Variants in PTBP1 observed in about 807,000 individuals in gnomAD.
PTBP1 encodes polypyrimidine tract binding protein 1.
A neutral mutation model predicts 59.8 loss-of-function variants in PTBP1; 8 were observed. The observed-to-expected ratio is 0.13, with a 90% CI of 0.08 to 0.24. The LOEUF (loss-of-function observed/expected upper bound fraction) is 0.24, where lower values mean the gene tolerates loss of function less well. Among genes scored for constraint, PTBP1 ranks in the 10% least tolerant of loss-of-function variants. PTBP1 has a pLI of 1.00. For missense variants in PTBP1, 686 were observed against 767.0 expected, an observed-to-expected ratio of 0.89 and a Z score of 1.25; for synonymous variants, 490 against 320.7, an observed-to-expected ratio of 1.53 and a Z score of -5.64.
At position 804,540 on chromosome 19, in the gene PTBP1, G is replaced by A. The variant is rs1426377871; in HGVS notation, c.444G>A (p.Gln148=). 12 of 1,603,458 alleles carry A rather than the reference G, an allele frequency of 7.5e-6. No homozygotes were observed. The South Asian group carries it at 1.3e-4, about 18-fold the overall frequency. The change falls in exon 6 of 15, where the codon CAG becomes CAA. Residue 148 remains glutamine, a synonymous_variant. Transcript: ENST00000356948. ...GGCTGTGCCTCCCACAGCGGGCCCA[G>A]GCGGCCCTGCAGGCGGTGAACTCGG... The part of the protein sequence containing the change: ...TDSSPNQARA[Q]AALQAVNSVQ...
rs774884129 is a variant in PTBP1 at position 806,433 on chromosome 19, C to A, written c.996C>A (p.Gly332=). ...AAGLSVPNVH[G]ALAPLAIPSA... is the part of the protein sequence containing the mutation. ...GCCTTTCCGTTCCGAACGTCCACGG[C>A]GCCCTGGCCCCCCTGGCCATCCCCT... Residue 332 remains glycine (G), a synonymous_variant, in exon 10 of 15, where the codon GGC becomes GGA. Transcript: ENST00000356948. The A allele has an allele frequency of 7.5e-6, 12 of 1,602,106 alleles. No homozygotes were observed. The highest frequency in any genetic ancestry group is 1.0e-5 in the Non-Finnish European group (12 of 1,174,752).
rs2034657315 is a variant in PTBP1, at chr19:807,992, C to T, written c.1153+90C>T. The T allele has an allele frequency of 5.1e-6, 6 of 1,182,704 alleles. No individual in the cohort carries two copies. The South Asian group carries it at 7.4e-5, about 15-fold the overall frequency. The allele number at this position is 1,182,704 out of a possible 1,614,324, so 73.3% of individuals were successfully genotyped here. A position where few individuals can be genotyped will look rare whatever the true frequency, so the allele number is the denominator to read the frequency against. ...GACGTATTATGAGTTTGCGGTTTGG[C>T]ACTCTGATGCTCCGTGGCATCCGCC... On this transcript the variant is annotated intron_variant, in intron 11 of 14. Coordinates refer to ENST00000356948, the MANE Select transcript of PTBP1 (RefSeq NM_002819.5).
chr19:806,656 T>A, intron 10 of PTBP1, 100 bp downstream of exon 10: 2 of 1,201,642 alleles, frequency 1.7e-6, no homozygotes, highest in Non-Finnish European at 1.1e-6. Context: ...CCCCTCGCTG[T>A]GTCTGCGCCT....
rs762310485 is a variant in PTBP1, at chr19:808,429, C to T, written c.1223C>T (p.Ala408Val). Residue 408 changes from alanine to valine, a missense_variant, in exon 12 of 15, where the codon GCG becomes GTG. Transcript: ENST00000356948. This position sits in a 1 kb window ranked among gnomAD's most constrained non-coding sequence, Gnocchi z 4.7. ...AAGGAGAACGCCCTAGTGCAGATGG[C>T]GGACGGCAACCAGGCCCAGCTGGGT... is the stretch of plus-strand genomic sequence containing the variant. ...NKKENALVQM[A>V]DGNQAQLAMS... is the part of the protein sequence containing the mutation. 24 of 1,605,326 alleles carry T rather than the reference C, an allele frequency of 1.5e-5. No individual in the cohort carries two copies. Among genetic ancestry groups the T allele is most frequent in the African/African-American group, 5.3e-5 (4 of 74,782 alleles).
At chr19:804,991 C>T (rs937111048) in intron 7 of PTBP1, 22 bp from the exon 8 acceptor site, 1 of 1,612,694 alleles carries the variant, frequency 6.2e-7, no homozygotes, top group East Asian at 2.2e-5. Context: ...CCGGCGACGT[C>T]TCACGGTCCC....
chr19:801,408 G>C (rs1378428627), intron 2 of PTBP1, among the ~76,000 whole-genome samples: 1 of 152,272 alleles, frequency 6.6e-6, no homozygotes, highest in East Asian at 1.9e-4. Flanking sequence ...GCCGCAGACA[G>C]TTGTGGGCAA....
chr19:800,558 CAGT>C (rs976721114), intron 2 of PTBP1, among the ~76,000 whole-genome samples: 5 of 152,170 alleles, frequency 3.3e-5, no homozygotes, highest in East Asian at 3.9e-4. Context: ...GGCGAGCCCA[CAGT>C]GGTGGCGTCC....
intron 2 of PTBP1, among the ~76,000 whole-genome samples, chr19:802,623 G>C (rs901828219): frequency 7.2e-5 from 11 of 152,228 alleles, no homozygotes; most frequent in African/African-American, 2.7e-4. Context: ...GCTGCCCTCA[G>C]CGCCTGCAGA....
rs2034676473 is a variant in PTBP1 at position 808,400 on chromosome 19, TAAG to T, written c.1198_1200del (p.Lys400del). ...TGCAGCGCGTGAAGATCCTGTTCAA[TAAG>T]AAGGAGAACGCCCTAGTGCAGATGG... On this transcript the variant is annotated inframe_deletion, in exon 12 of 15. Coordinates refer to ENST00000356948, the MANE Select transcript of PTBP1 (RefSeq NM_002819.5). This position sits in a 1 kb window ranked among gnomAD's most constrained non-coding sequence, Gnocchi z 4.7. The T allele has an allele frequency of 6.2e-7, 1 of 1,606,992 alleles. No individual in the cohort carries two copies. The highest frequency in any genetic ancestry group is 8.5e-7 in the Non-Finnish European group (1 of 1,178,016).
intron 2 of PTBP1, among the ~76,000 whole-genome samples, chr19:800,525 T>TGTGC (rs2034286119): frequency 6.6e-6 from 1 of 152,128 alleles, no homozygotes; most frequent in South Asian, 2.1e-4. Context: ...CTTCAGGGCT[T>TGTGC]GTGCCCCGAG....
At position 811,709 on chromosome 19, in the gene PTBP1, CCTAT is replaced by C. The variant is rs2034883939; in HGVS notation, c.*886_*889del. 1 of 152,424 alleles carries C rather than the reference CCTAT, an allele frequency of 6.6e-6. No homozygotes were observed. Among genetic ancestry groups the C allele is most frequent in the African/African-American group, 2.4e-5 (1 of 41,456 alleles). 9.4% of individuals were successfully genotyped at this position (152,424 alleles called of 1,614,324 possible). A position where few individuals can be genotyped will look rare whatever the true frequency, so the allele number is the denominator to read the frequency against. On this transcript the variant is annotated 3_prime_UTR_variant, in exon 15 of 15. Coordinates refer to ENST00000356948, the MANE Select transcript of PTBP1 (RefSeq NM_002819.5). ...TGGGTCAGGCACAGGGAGCCCCGGT[CCTAT>C]CTTAGAGCCCCTGAGCTTCAGGGAA...
At chr19:799,658 C>T (rs549562798) in intron 2 of PTBP1, among the ~76,000 whole-genome samples, 105 of 152,370 alleles carry the variant, frequency 6.9e-4, no homozygotes, top group South Asian at 1.9e-3. Context: ...GGCCGCCCCT[C>T]AGGTCTGGAA....
In PTBP1 at chr19:808,788, G is replaced by A; in HGVS notation, c.1463+26G>A. 1 of 1,528,676 alleles carries A rather than the reference G, an allele frequency of 6.5e-7. No individual in the cohort carries two copies. The highest frequency in any genetic ancestry group is 9.0e-7 in the Non-Finnish European group (1 of 1,115,602). The allele number at this position is 1,528,676 out of a possible 1,614,324, so 94.7% of individuals were successfully genotyped here. A position where few individuals can be genotyped will look rare whatever the true frequency, so the allele number is the denominator to read the frequency against. Reference sequence around the variant, plus strand: ...GTGAGTGCTGGGCCGGGGGGCTCATGGGGCCGGGGGCGGGCAAGGGCTCTG... The same window carrying A: ...GTGAGTGCTGGGCCGGGGGGCTCATAGGGCCGGGGGCGGGCAAGGGCTCTG... On this transcript the variant is annotated intron_variant, in intron 13 of 14. Transcript: ENST00000356948. This position sits in a 1 kb window ranked among gnomAD's most constrained non-coding sequence, Gnocchi z 4.7.
At chr19:810,017 C>G (rs963635613) in intron 13 of PTBP1, among the ~76,000 whole-genome samples, 3 of 152,196 alleles carry the variant, frequency 2.0e-5, no homozygotes. Context: ...ATCAGAAAAT[C>G]AACAAGGGGC....
intron 2 of PTBP1, 138 bp downstream of exon 2, chr19:799,581 G>T: frequency 1.1e-6 from 1 of 876,286 alleles, no homozygotes; most frequent in Non-Finnish European, 1.9e-6. Context: ...TCTGGAATCT[G>T]GAGTTGGGCG....
chr19:805,111 C>T lies in PTBP1; in HGVS notation c.816C>T (p.Ser272=). 1.9e-6 allele frequency: 3 copies of T among 1,613,924 alleles called. No individual in the cohort carries two copies. Among genetic ancestry groups the T allele is most frequent in the South Asian group, 1.1e-5 (1 of 91,088 alleles). Residue 272 remains serine (S), a synonymous_variant, in exon 8 of 15, where the codon AGC becomes AGT. Transcript: ENST00000356948. ...ACGTCAAGTACAACAATGACAAGAGCCGTGACTACACACGCCCAGACCTGC... is the reference window on the plus strand; with the variant it reads ...ACGTCAAGTACAACAATGACAAGAGTCGTGACTACACACGCCCAGACCTGC... ...SLNVKYNNDK[S]RDYTRPDLPS...
In PTBP1 at chr19:805,513, C is replaced by T. The variant is rs371821881; in HGVS notation, c.914C>T (p.Ala305Val). 78 of 1,613,708 alleles carry T rather than the reference C, an allele frequency of 4.8e-5. No homozygotes were observed. Among genetic ancestry groups the T allele is most frequent in the Middle Eastern group, 1.6e-4 (1 of 6,062 alleles). The change falls in exon 9 of 15, where the codon GCC becomes GTC. Residue 305 changes from alanine (A) to valine (V), a missense_variant. Transcript: ENST00000356948. Reference sequence around the variant, plus strand: ...CTAGGTGCACCTGGTATAATCTCAGCCTCTCCGTATGCAGGAGCTGGTTTC... The same window carrying T: ...CTAGGTGCACCTGGTATAATCTCAGTCTCTCCGTATGCAGGAGCTGGTTTC... ...AAFGAPGIISASPYAGAGFPP... is the reference protein window; with the variant it reads ...AAFGAPGIISVSPYAGAGFPP...
chr19:800,659 G>C (rs1052773911), intron 2 of PTBP1, among the ~76,000 whole-genome samples: 4 of 152,210 alleles, frequency 2.6e-5, no homozygotes, highest in Non-Finnish European at 4.4e-5. Context: ...CTGTCTTTAC[G>C]CGCTGCCTGC....
Position 808,486 on chromosome 19 carries a change from G to A in PTBP1, c.1246+34G>A, listed in dbSNP as rs754245705. The A allele has an allele frequency of 1.0e-5, 16 of 1,561,118 alleles. No individual in the cohort carries two copies. The East Asian group carries it at 2.8e-4, about 28-fold the overall frequency. ...CCGGGGCGGCCCCGGGGTGGAGGGGGCAGGGGCGGGGGCTGCGTTCCCTCT... is the reference window on the plus strand; with the variant it reads ...CCGGGGCGGCCCCGGGGTGGAGGGGACAGGGGCGGGGGCTGCGTTCCCTCT... On this transcript the variant is annotated intron_variant, in intron 12 of 14. Transcript: ENST00000356948. This position sits in a 1 kb window ranked among gnomAD's most constrained non-coding sequence, Gnocchi z 4.7.
Sources: gnomAD v4.1 joint callset for allele counts (sites outside exome capture counted in the v4.1 genomes callset) on GRCh38, gnomAD v4.1.1 for gene constraint, Gnocchi (gnomAD v3.1) non-coding constraint, MANE v1.5 for transcripts, NCBI Gene and HGNC (gene_info 2026-07-23, HGNC 2026-07-21) for gene names.